Variants in ZBED6 observed in about 807,000 individuals in gnomAD.
The protein encoded by ZBED6 is zinc finger BED domain-containing protein 6.
ZBED6 carries 40 observed loss-of-function variants against 58.4 expected under a neutral mutation model. The observed-to-expected ratio is 0.68, with a 90% CI of 0.53 to 0.89. The LOEUF is 0.89. Ranked by LOEUF, ZBED6 falls within the 40% of genes least tolerant of loss-of-function variation. The pLI, the probability that ZBED6 is intolerant of heterozygous loss-of-function variation, is 0.00. For synonymous variants in ZBED6, 439 were observed against 350.6 expected, an observed-to-expected ratio of 1.25 and a Z score of -2.82; for missense variants, 1,057 against 1,003.9, an observed-to-expected ratio of 1.05 and a Z score of -0.71.
chr1:203,834,269 CTTATTTAT>C (rs1252542661), intron 9 of ZBED6, among the ~76,000 whole-genome samples: 1 of 151,918 alleles, frequency 6.6e-6, no homozygotes, highest in Admixed American at 6.6e-5. Flanking sequence ...TTGGTGCTTG[CTTATTTAT>C]TTATTTATTT....
rs185968776 is a variant in ZBED6 at position 203,819,989 on chromosome 1, C to G, written c.*2873+1300C>G. On this transcript the variant is annotated intron_variant, in intron 3 of 16. Coordinates refer to ENST00000550078, the Ensembl canonical transcript of ZBED6. Reference sequence around the variant, plus strand: ...CAGTGGCTCACGCCTGTAATCCCAGCACTTTACTAGGCTGAGGCGGGTGAA... The same window carrying G: ...CAGTGGCTCACGCCTGTAATCCCAGGACTTTACTAGGCTGAGGCGGGTGAA... Among the ~76,000 whole-genome samples, 520 of 151,870 alleles carry G rather than the reference C, an allele frequency of 3.4e-3. 2 individuals carry two copies. The highest frequency in any genetic ancestry group is 0.031 in the Middle Eastern group (9 of 292).
At chr1:203,830,925 ATTTTTTTTTTTTTTTTT>A (rs774771270) in intron 7 of ZBED6, among the ~76,000 whole-genome samples, 1,070 of 51,440 alleles carry the variant, frequency 0.021, 21 homozygotes, top group Middle Eastern at 0.083. Context: ...CCAACCCCCA[ATTTTTTTTTTTTTTTTT>A]TTTTTTTTTT....
exon 1 of ZBED6, chr1:203,800,348 G>C: frequency 2.2e-6 from 2 of 915,710 alleles, no homozygotes; most frequent in Non-Finnish European, 3.4e-6. Context: ...AACAACTGAT[G>C]TTTCTGAAAA....
chr1:203,799,042 C>CT lies in ZBED6; in HGVS notation c.1521dup (p.Ala508CysfsTer6). On this transcript the variant is annotated frameshift_variant, in exon 1 of 17. Transcript: ENST00000550078. LOFTEE classifies it high-confidence loss of function. ...ACTGTACACTGGGTTTCTTTGGAAA[C>CT]TGCGTCTTTTCTCAATAATGGCAGG... 6.5e-7 allele frequency: 1 copy of CT among 1,536,140 alleles called. No individual in the cohort carries two copies. Among genetic ancestry groups the CT allele is most frequent in the South Asian group, 1.2e-5 (1 of 84,070 alleles).
intron 11 of ZBED6, among the ~76,000 whole-genome samples, chr1:203,841,511 T>A (rs1686196035): frequency 6.6e-6 from 1 of 152,214 alleles, no homozygotes. Flanking sequence ...GCAGAAGAAT[T>A]TTTCTTAGTA....
chr1:203,816,899 T>G (rs1676567078), intron 1 of ZBED6, 27 bp from the exon 2 acceptor site: 5 of 520,472 alleles, frequency 9.6e-6, no homozygotes, highest in South Asian at 3.4e-5. Context: ...ACCTGAAATA[T>G]TTTAATTCAT....
chr1:203,796,223 G>C (rs1046892585), exon 1 of ZBED6: 2 of 392,112 alleles, frequency 5.1e-6, no homozygotes, highest in African/African-American at 2.1e-5. Context: ...TAGTTGAGCG[G>C]ACCCTCACTG....
chr1:203,831,543 C>G, intron 7 of ZBED6, 118 bp from the exon 8 acceptor site: 1 of 774,988 alleles, frequency 1.3e-6, no homozygotes, highest in Non-Finnish European at 2.2e-6. Context: ...GGCTGATTGG[C>G]TTATAGTCAT....
chr1:203,805,731 A>G (rs756288530), intron 1 of ZBED6: 7 of 665,736 alleles, frequency 1.1e-5, no homozygotes, highest in Non-Finnish European at 1.7e-5. Flanking sequence ...GCTCATCTAA[A>G]TAGAACTCTT....
chr1:203,819,963 T>G (rs66885064), intron 3 of ZBED6, among the ~76,000 whole-genome samples: 38,629 of 151,350 alleles, frequency 0.26, 5,216 homozygotes, highest in East Asian at 0.34. Flanking sequence ...CAGGCTGGGC[T>G]CAGTGGCTCA....
chr1:203,826,037 A>C (rs1160512425), intron 3 of ZBED6, among the ~76,000 whole-genome samples: 1 of 152,224 alleles, frequency 6.6e-6, no homozygotes, highest in East Asian at 1.9e-4. Flanking sequence ...CTTCCAGGAA[A>C]GATGTAAAAT....
rs774503016 is a variant in ZBED6, at chr1:203,847,658, G to C, written c.*4216G>C. ...CAACACGAGGCCACTCCAGGGGCAA[G>C]GCGGCTGCTGCGAATCACCAAAAGA... On this transcript the variant is annotated 3_prime_UTR_variant, in exon 12 of 17. Coordinates refer to ENST00000550078, the Ensembl canonical transcript of ZBED6. The C allele has an allele frequency of 8.1e-6, 13 of 1,612,574 alleles. No individual in the cohort carries two copies. The East Asian group carries it at 2.7e-4, about 33-fold the overall frequency.
chr1:203,796,790 C>T (rs1456222274), exon 1 of ZBED6: 2 of 227,340 alleles, frequency 8.8e-6, no homozygotes, highest in Non-Finnish European at 1.7e-5. Flanking sequence ...ACAAACAGTA[C>T]TTTGAAAATG....
intron 14 of ZBED6, 161 bp downstream of exon 14, chr1:203,850,187 C>T (rs1572378689): frequency 1.0e-5 from 7 of 700,182 alleles, no homozygotes; most frequent in East Asian, 2.7e-5. Flanking sequence ...AGAGGCAAAA[C>T]GAGATGAATT....
At chr1:203,828,047 T>C (rs942946650) in intron 3 of ZBED6, among the ~76,000 whole-genome samples, 8 of 152,076 alleles carry the variant, frequency 5.3e-5, no homozygotes, top group African/African-American at 1.9e-4. Context: ...AAATTAAGTG[T>C]AGACATTTTA....
intron 7 of ZBED6, among the ~76,000 whole-genome samples, chr1:203,830,912 T>C (rs987409680): frequency 3.3e-5 from 5 of 150,474 alleles, no homozygotes; most frequent in Non-Finnish European, 7.4e-5. Context: ...TTGCTCTGTA[T>C]TTCCAACCCC....
Position 203,852,294 on chromosome 1 carries a change from A to C in ZBED6, c.*5027A>C, listed in dbSNP as rs765260202. 5 of 1,613,718 alleles carry C rather than the reference A, an allele frequency of 3.1e-6. No homozygotes were observed. The South Asian group carries it at 5.5e-5, about 18-fold the overall frequency. On this transcript the variant is annotated 3_prime_UTR_variant, in exon 17 of 17. Coordinates refer to ENST00000550078, the Ensembl canonical transcript of ZBED6. ...CTGTGGAGGATGATTTTGAGAAACT[A>C]ATATGGGAGATTTCAGGAGGCAAAT...
At chr1:203,825,560 G>A (rs1022983857) in intron 3 of ZBED6, among the ~76,000 whole-genome samples, 9 of 149,522 alleles carry the variant, frequency 6.0e-5, no homozygotes, top group East Asian at 4.0e-4. Context: ...TCAGCCTCCC[G>A]CATAGCTGGG....
exon 1 of ZBED6, chr1:203,795,733 G>A (rs1040806880): frequency 3.9e-5 from 6 of 152,358 alleles, no homozygotes; most frequent in Admixed American, 2.0e-4. Context: ...CAAGAAGAAA[G>A]ACGTGGCAGC....
Sources: allele counts gnomAD v4.1 joint callset (sites outside exome capture counted in the v4.1 genomes callset), GRCh38; gene constraint gnomAD v4.1.1; transcripts MANE v1.5; gene names NCBI Gene and HGNC (gene_info 2026-07-23, HGNC 2026-07-21).